The following MTPAP variants were observed in gnomAD, a reference collection of about 807,000 sequenced individuals.
MTPAP encodes poly(A) RNA polymerase, mitochondrial.
A neutral mutation model predicts 48.7 loss-of-function variants in MTPAP; 23 were observed. That is an observed-to-expected ratio of 0.47 (90% confidence interval 0.34 to 0.67). The LOEUF (loss-of-function observed/expected upper bound fraction) is 0.67, where lower values mean the gene tolerates loss of function less well. MTPAP is among the 30% of genes least tolerant of loss of function. The probability of loss-of-function intolerance (pLI) is 0.01; values close to 1 mark genes in which losing one functional copy is unlikely to be tolerated. For synonymous variants in MTPAP, 257 were observed against 254.1 expected (o/e 1.01, Z -0.11); for missense variants, 614 against 694.3 (o/e 0.88, Z 1.30).
chr10:30,314,703 T>C (rs1030627588), intron 8 of MTPAP, among the ~76,000 whole-genome samples: 1 of 151,632 alleles, frequency 6.6e-6, no homozygotes, highest in African/African-American at 2.4e-5. Flanking sequence ...TGAAATCCCA[T>C]CTCTACTAAA....
chr10:30,325,374 T>C (rs1588714948), intron 5 of MTPAP, among the ~76,000 whole-genome samples: 1 of 152,346 alleles, frequency 6.6e-6, no homozygotes, highest in Non-Finnish European at 1.5e-5. Flanking sequence ...TCAGTAATGA[T>C]TATTTAGCTA....
chr10:30,325,373 ATTAT>A (rs1834572841), intron 5 of MTPAP, among the ~76,000 whole-genome samples: 2 of 152,214 alleles, frequency 1.3e-5, no homozygotes, highest in Non-Finnish European at 2.9e-5. Context: ...TTCAGTAATG[ATTAT>A]TTAGCTAACA....
At chr10:30,323,451 CAAAAA>C (rs755342499) in intron 5 of MTPAP, among the ~76,000 whole-genome samples, 1 of 84,726 alleles carries the variant, frequency 1.2e-5, no homozygotes, top group Admixed American at 1.5e-4. Flanking sequence ...GACCCTGCCT[CAAAAA>C]AAAAAAAAAA....
At chr10:30,339,122 CAAAACA>C (rs1449910083) in intron 3 of MTPAP, among the ~76,000 whole-genome samples, 3 of 149,860 alleles carry the variant, frequency 2.0e-5, no homozygotes, top group Non-Finnish European at 4.4e-5. Context: ...GAGTCCGTCT[CAAAACA>C]AAAACAAAAA....
chr10:30,315,854 A>G, intron 8 of MTPAP, 109 bp downstream of exon 8: 4 of 1,224,358 alleles, frequency 3.3e-6, no homozygotes, highest in Non-Finnish European at 4.5e-6. Context: ...ACAAATTACT[A>G]CACAAAAGAA....
At chr10:30,349,089 CG>C (rs1457534459) in intron 1 of MTPAP, 29 bp downstream of exon 1, 42 of 1,613,398 alleles carry the variant, frequency 2.6e-5, no homozygotes, top group Non-Finnish European at 3.4e-5. Context: ...CGCTGTGGGA[CG>C]GAACTACAGG....
rs1219349861 is a variant in MTPAP at position 30,316,104 on chromosome 10, A to C, written c.1312+14T>G. On this transcript the variant is annotated intron_variant, in intron 7 of 8. Transcript: ENST00000263063. ...TCAATCCAGAAAGGATCAAGTAAAC[A>C]GAAAGACACTTACCTAATGTTTCTG... 2 of 1,611,618 alleles carry C rather than the reference A, an allele frequency of 1.2e-6. No individual in the cohort carries two copies. Among genetic ancestry groups the C allele is most frequent in the Admixed American group, 1.7e-5 (1 of 60,012 alleles).
At chr10:30,343,399 C>T (rs1834835226) in intron 1 of MTPAP, among the ~76,000 whole-genome samples, 1 of 138,100 alleles carries the variant, frequency 7.2e-6, no homozygotes, top group Admixed American at 7.2e-5. Flanking sequence ...CAGAGGGAGA[C>T]TGTCTCAAAA....
intron 1 of MTPAP, among the ~76,000 whole-genome samples, chr10:30,347,742 T>C (rs1834888925): frequency 6.6e-6 from 1 of 152,074 alleles, no homozygotes; most frequent in South Asian, 2.1e-4. Flanking sequence ...AACACAAAAA[T>C]TAGCCAGGCG....
intron 1 of MTPAP, among the ~76,000 whole-genome samples, chr10:30,344,972 G>A (rs762614615): frequency 7.9e-5 from 12 of 152,270 alleles, no homozygotes; most frequent in African/African-American, 1.2e-4. Flanking sequence ...CCAAAGTGCC[G>A]GGATTACAAG....
chr10:30,319,238 T>A (rs1172392087), intron 6 of MTPAP, among the ~76,000 whole-genome samples: 1 of 152,208 alleles, frequency 6.6e-6, no homozygotes, highest in Non-Finnish European at 1.5e-5. Context: ...GGGCCCTGCA[T>A]ACAATGTGAA....
In MTPAP at chr10:30,324,734, C is replaced by T. The variant is rs555017019; in HGVS notation, c.992+1690G>A. On this transcript the variant is annotated intron_variant, in intron 5 of 8. Transcript: ENST00000263063. ...ATAGAAGAAACAAGGCCAGGCGTGG[C>T]GGCTCACACCTGTAATCCAGCACTT... is the stretch of plus-strand genomic sequence containing the variant. Among the ~76,000 whole-genome samples the T allele has an allele frequency of 2.0e-5, 3 of 152,134 alleles. No individual in the cohort carries two copies. The South Asian group carries it at 6.2e-4, about 32-fold the overall frequency.
At chr10:30,318,325 C>T (rs767224071) in intron 6 of MTPAP, among the ~76,000 whole-genome samples, 17 of 152,142 alleles carry the variant, frequency 1.1e-4, no homozygotes, top group African/African-American at 1.9e-4. Context: ...GCACATTTTA[C>T]GTGCTCTACT....
Position 30,313,696 on chromosome 10 carries a change from G to A in MTPAP, c.1662C>T (p.Val554=), listed in dbSNP as rs762974261. 1 of 1,614,108 alleles carries A rather than the reference G, an allele frequency of 6.2e-7. No individual in the cohort carries two copies. The highest frequency in any genetic ancestry group is 2.2e-5 in the East Asian group (1 of 44,888). Residue 554 remains valine, a synonymous_variant, in exon 9 of 9, where the codon GTC becomes GTT. Coordinates refer to ENST00000263063, the MANE Select transcript of MTPAP (RefSeq NM_018109.4). ...KKSNKFAIET[V]KNLLESLKGN... ...CTTTTAAAGATTCTAGCAAGTTTTTGACTGTTTCAATTGCAAACTTATTGC... is the reference window on the plus strand; with the variant it reads ...CTTTTAAAGATTCTAGCAAGTTTTTAACTGTTTCAATTGCAAACTTATTGC...
intron 1 of MTPAP, among the ~76,000 whole-genome samples, chr10:30,347,581 T>C (rs946861593): frequency 6.6e-6 from 1 of 152,228 alleles, no homozygotes; most frequent in African/African-American, 2.4e-5. Context: ...ATGAAGAGTA[T>C]AGTCTTGGAA....
intron 5 of MTPAP, among the ~76,000 whole-genome samples, chr10:30,324,447 A>G (rs567166775): frequency 6.6e-6 from 1 of 152,144 alleles, no homozygotes; most frequent in African/African-American, 2.4e-5. Flanking sequence ...CTAGCTACTC[A>G]GGAGGTTGAG....
At chr10:30,342,666 T>C (rs372914338) in intron 1 of MTPAP, among the ~76,000 whole-genome samples, 3 of 152,012 alleles carry the variant, frequency 2.0e-5, no homozygotes, top group African/African-American at 7.2e-5. Flanking sequence ...CAAGCCTGAG[T>C]GTAATGAGAC....
chr10:30,324,674 A>T (rs1229824763), intron 5 of MTPAP, among the ~76,000 whole-genome samples: 3 of 152,220 alleles, frequency 2.0e-5, no homozygotes, highest in Non-Finnish European at 4.4e-5. Context: ...AACAGCATCA[A>T]GTTAAAACTG....
chr10:30,331,889 T>C (rs1196585075), intron 4 of MTPAP, among the ~76,000 whole-genome samples: 5 of 152,238 alleles, frequency 3.3e-5, no homozygotes, highest in African/African-American at 9.6e-5. Context: ...TATTCATTCA[T>C]TAGCAAATAA....
Sources: gnomAD v4.1 joint callset for allele counts (sites outside exome capture counted in the v4.1 genomes callset) on GRCh38, gnomAD v4.1.1 for gene constraint, MANE v1.5 for transcripts, NCBI Gene and HGNC (gene_info 2026-07-23, HGNC 2026-07-21) for gene names.